Variants in FABP6 observed in about 807,000 individuals in gnomAD.
FABP6 encodes gastrotropin.
A neutral mutation model predicts 14.9 loss-of-function variants in FABP6; 13 were observed. That is an observed-to-expected ratio of 0.87 (90% CI 0.57 to 1.39). The LOEUF is 1.39. FABP6 is among the 40% of genes most tolerant of loss of function. FABP6 has a pLI of 0.00. For synonymous variants in FABP6, 75 were observed against 63.6 expected (o/e 1.18, Z -0.85); for missense variants, 161 against 167.2 (o/e 0.96, Z 0.20).
At chr5:160,210,688 C>T (rs1759869022) in intron 2 of FABP6, among the ~76,000 whole-genome samples, 2 of 152,248 alleles carry the variant, frequency 1.3e-5, no homozygotes, top group Admixed American at 1.3e-4. Flanking sequence ...TCTCAGCCTT[C>T]TCAGAATGTC....
At chr5:160,225,820 TAAGAA>T (rs960468501), upstream of FABP6, among the ~76,000 whole-genome samples, 1 of 151,938 alleles carries the variant, frequency 6.6e-6, no homozygotes, top group African/African-American at 2.4e-5. Flanking sequence ...TTACAGTTGA[TAAGAA>T]AGAAAACAAT....
intron 3 of FABP6, among the ~76,000 whole-genome samples, chr5:160,237,419 G>T (rs1760541394): frequency 6.6e-6 from 1 of 152,090 alleles, no homozygotes; most frequent in Non-Finnish European, 1.5e-5. Flanking sequence ...AAACAAAGTT[G>T]CATGACTAGG....
chr5:160,228,278 C>T (rs562223783), upstream of FABP6, among the ~76,000 whole-genome samples: 9 of 152,092 alleles, frequency 5.9e-5, no homozygotes, highest in Non-Finnish European at 1.2e-4. Flanking sequence ...GTAATCCCAG[C>T]TACTCTGGAG....
At chr5:160,229,324 A>G, upstream of FABP6, 1 of 909,318 alleles carries the variant, frequency 1.1e-6, no homozygotes. Flanking sequence ...CCTGCTGGCA[A>G]TGGGGTGACA....
intron 2 of FABP6, among the ~76,000 whole-genome samples, chr5:160,234,117 C>T (rs565061946): frequency 6.6e-6 from 1 of 152,230 alleles, no homozygotes; most frequent in East Asian, 1.9e-4. Context: ...CTTCATGGTC[C>T]AGAACACATA....
At position 160,209,027 on chromosome 5, in the gene FABP6, C is replaced by T. The variant is rs973200402; in HGVS notation, c.52-4709C>T. On this transcript the variant is annotated intron_variant, in intron 2 of 6. Transcript: ENST00000393980. Reference sequence around the variant, plus strand: ...TCCTGACCTTGTGATTTGCCTGCCTCGGCCTCCCAGAGTACTGCGATTACA... The same window carrying T: ...TCCTGACCTTGTGATTTGCCTGCCTTGGCCTCCCAGAGTACTGCGATTACA... Among the ~76,000 whole-genome samples, 5 of 151,618 alleles carry T rather than the reference C, an allele frequency of 3.3e-5. No homozygotes were observed. In the South Asian group the frequency reaches 6.2e-4, roughly 19 times the overall value.
At chr5:160,189,116 C>T (rs1306293339) in intron 1 of FABP6, among the ~76,000 whole-genome samples, 2 of 152,164 alleles carry the variant, frequency 1.3e-5, no homozygotes, top group East Asian at 1.9e-4. Context: ...TATTCAACTC[C>T]GTCATTGTAG....
At chr5:160,216,084 G>A (rs747384026) in intron 3 of FABP6, among the ~76,000 whole-genome samples, 3 of 152,206 alleles carry the variant, frequency 2.0e-5, no homozygotes, top group Non-Finnish European at 4.4e-5. Flanking sequence ...TAGGAAAGCA[G>A]ATGAGGCTGA....
upstream of FABP6, among the ~76,000 whole-genome samples, chr5:160,227,384 A>G (rs4921264): frequency 0.54 from 81,696 of 151,750 alleles, 22,185 homozygotes; most frequent in African/African-American, 0.63. Context: ...AAAATTAGCT[A>G]AGTGTGGTGG....
In FABP6 at chr5:160,229,511, C is replaced by A; in HGVS notation, c.-47C>A. On this transcript the variant is annotated 5_prime_UTR_variant, in exon 1 of 4. Transcript: ENST00000402432. Reference sequence around the variant, plus strand: ...GGGATAGCAGACCCCTCAGCACCACCCATTCTCCTCATCCCTCTGCTCTCT... The same window carrying A: ...GGGATAGCAGACCCCTCAGCACCACACATTCTCCTCATCCCTCTGCTCTCT... The A allele has an allele frequency of 6.2e-7, 1 of 1,613,256 alleles. No individual in the cohort carries two copies. Among genetic ancestry groups the A allele is most frequent in the Non-Finnish European group, 8.5e-7 (1 of 1,179,482 alleles).
chr5:160,201,431 G>A (rs1402627632), intron 2 of FABP6, among the ~76,000 whole-genome samples: 1 of 152,140 alleles, frequency 6.6e-6, no homozygotes, highest in Non-Finnish European at 1.5e-5. Context: ...GGAAGGGGAT[G>A]GGAGTGAGGT....
chr5:160,207,691 T>C (rs72810200), intron 2 of FABP6, among the ~76,000 whole-genome samples: 27,297 of 151,474 alleles, frequency 0.18, 2,528 homozygotes, highest in African/African-American at 0.21. Context: ...TAGTTACATA[T>C]GAGAGACGGG....
chr5:160,188,630 C>T (rs912154274), intron 1 of FABP6, among the ~76,000 whole-genome samples: 7 of 152,244 alleles, frequency 4.6e-5, no homozygotes, highest in Non-Finnish European at 8.8e-5. Flanking sequence ...CGCCCCTGGG[C>T]TGCGACCCCC....
At chr5:160,215,560 C>CACTTG (rs1759992797) in intron 3 of FABP6, among the ~76,000 whole-genome samples, 1 of 150,756 alleles carries the variant, frequency 6.6e-6, no homozygotes. Flanking sequence ...TGGTGGCTCA[C>CACTTG]ACTTGTAATC....
chr5:160,194,502 T>C (rs1172105342), intron 1 of FABP6, among the ~76,000 whole-genome samples: 2 of 151,730 alleles, frequency 1.3e-5, no homozygotes, highest in Non-Finnish European at 2.9e-5. Context: ...GATTGCACCA[T>C]TGCACTCCAG....
chr5:160,226,359 G>A (rs369921638), upstream of FABP6, among the ~76,000 whole-genome samples: 312 of 151,616 alleles, frequency 2.1e-3, 2 homozygotes, highest in African/African-American at 7.3e-3. Flanking sequence ...TCAGGAGTTC[G>A]AGACCAGCCT....
At chr5:160,200,956 C>T (rs946409337) in intron 2 of FABP6, among the ~76,000 whole-genome samples, 1 of 152,188 alleles carries the variant, frequency 6.6e-6, no homozygotes, top group African/African-American at 2.4e-5. Context: ...CCCAGTTGTT[C>T]TACTTCAGGG....
intron 1 of FABP6, among the ~76,000 whole-genome samples, chr5:160,189,677 C>G (rs1759358001): frequency 6.6e-6 from 1 of 151,904 alleles, no homozygotes; most frequent in Non-Finnish European, 1.5e-5. Context: ...TGGAGACCAG[C>G]CTGGGACAAC....
At chr5:160,198,155 A>G (rs1311612990) in intron 1 of FABP6, 1 of 151,740 alleles carries the variant, frequency 6.6e-6, no homozygotes, top group Non-Finnish European at 1.5e-5. Flanking sequence ...CAGACCCAAG[A>G]TATAGCCCTG....
Sources: allele counts gnomAD v4.1 joint callset (sites outside exome capture counted in the v4.1 genomes callset), GRCh38; gene constraint gnomAD v4.1.1; transcripts MANE v1.5; gene names NCBI Gene and HGNC (gene_info 2026-07-23, HGNC 2026-07-21).